KIAA0825: variants seen among roughly 807,000 people sequenced by gnomAD.
KIAA0825 encodes the protein KIAA0825, also known as uncharacterized protein KIAA0825.
KIAA0825 carries 119 observed loss-of-function variants against 147.6 expected under a neutral mutation model. That is an observed-to-expected ratio of 0.81 (90% CI 0.69 to 0.94). KIAA0825 has a LOEUF of 0.94. Ranked by LOEUF, KIAA0825 falls within the 40% of genes least tolerant of loss-of-function variation. The pLI is 0.00. For missense variants in KIAA0825, 1,381 were observed against 1,472.7 expected, an observed-to-expected ratio of 0.94 and a Z score of 1.02; for synonymous variants, 470 against 518.1, an observed-to-expected ratio of 0.91 and a Z score of 1.26.
chr5:94,444,004 C>T (rs1757428287), intron 13 of KIAA0825, among the ~76,000 whole-genome samples: 1 of 152,134 alleles, frequency 6.6e-6, no homozygotes, highest in African/African-American at 2.4e-5. Context: ...GAATGCTGTC[C>T]CTCAAGACTT....
At chr5:94,428,283 T>G (rs1755180257) in intron 14 of KIAA0825, among the ~76,000 whole-genome samples, 1 of 152,042 alleles carries the variant, frequency 6.6e-6, no homozygotes, top group African/African-American at 2.4e-5. Context: ...GAGGTTTTGA[T>G]CCTATCATGA....
chr5:94,239,391 T>C (rs959831686), intron 20 of KIAA0825, among the ~76,000 whole-genome samples: 2 of 152,186 alleles, frequency 1.3e-5, no homozygotes, highest in Admixed American at 1.3e-4. Context: ...AGGAACACAT[T>C]GAGAGATCTG....
chr5:94,424,498 C>T (rs1382834205), intron 14 of KIAA0825, among the ~76,000 whole-genome samples: 7 of 151,794 alleles, frequency 4.6e-5, no homozygotes, highest in African/African-American at 1.7e-4. Context: ...CACAATAAAA[C>T]CTAAAAGATA....
intron 20 of KIAA0825, among the ~76,000 whole-genome samples, chr5:94,351,350 C>A (rs150616787): frequency 0.013 from 1,938 of 151,814 alleles, 47 homozygotes; most frequent in African/African-American, 0.043. Context: ...ACAACAACAA[C>A]AAAAAACACC....
At chr5:94,304,130 A>G (rs979831281) in intron 20 of KIAA0825, among the ~76,000 whole-genome samples, 1 of 152,082 alleles carries the variant, frequency 6.6e-6, no homozygotes, top group Non-Finnish European at 1.5e-5. Context: ...AGAAACCTGA[A>G]TATATTTATG....
At chr5:94,568,917 C>T (rs1779282032) in intron 2 of KIAA0825, 1 of 163,736 alleles carries the variant, frequency 6.1e-6, no homozygotes, top group African/African-American at 2.4e-5. Flanking sequence ...CCCACTCCTC[C>T]TAACCCTCCT....
chr5:94,397,515 G>C (rs575976259), intron 16 of KIAA0825, among the ~76,000 whole-genome samples: 1 of 152,262 alleles, frequency 6.6e-6, no homozygotes, highest in East Asian at 1.9e-4. Context: ...TGATTCTCAA[G>C]TTGTCATGGA....
intron 20 of KIAA0825, among the ~76,000 whole-genome samples, chr5:94,335,378 A>G (rs1002681528): frequency 2.0e-5 from 3 of 152,120 alleles, no homozygotes; most frequent in African/African-American, 7.2e-5. Flanking sequence ...AATATAGATT[A>G]TGTATATTTC....
intron 15 of KIAA0825, among the ~76,000 whole-genome samples, chr5:94,405,268 A>G (rs1040050211): frequency 2.6e-5 from 4 of 152,208 alleles, no homozygotes; most frequent in African/African-American, 9.6e-5. Context: ...CGTTACTTTT[A>G]TGTTAAAATT....
intron 20 of KIAA0825, among the ~76,000 whole-genome samples, chr5:94,320,894 G>C (rs902450325): frequency 2.0e-5 from 3 of 151,974 alleles, no homozygotes; most frequent in African/African-American, 7.2e-5. Flanking sequence ...TTCTCAACCA[G>C]CCTGATTCTT....
At chr5:94,191,853 A>C (rs1346425949) in intron 20 of KIAA0825, among the ~76,000 whole-genome samples, 1 of 152,242 alleles carries the variant, frequency 6.6e-6, no homozygotes, top group African/African-American at 2.4e-5. Flanking sequence ...TGGGGATCCA[A>C]GTGGAGAGAC....
Position 94,471,596 on chromosome 5 carries a change from G to C in KIAA0825, c.1591C>G (p.Leu531Val). ...CKVATAVLQR[L>V]QERAKEVPSK... The stretch of plus-strand genomic sequence containing the variant: ...GGAACCTCCTTGGCTCTCTCTTGCA[G>C]TCTCTGCAGGACAGCTGTTGCCACT... The change falls in exon 9 of 21, where the codon CTG becomes GTG. Residue 531 changes from leucine (L) to valine (V), a missense_variant. Leu to Val is a conservative substitution (Grantham distance 32). Coordinates refer to ENST00000682413, the MANE Select transcript of KIAA0825 (RefSeq NM_001145678.3). The C allele has an allele frequency of 6.4e-7, 1 of 1,551,938 alleles. No homozygotes were observed. Among genetic ancestry groups the C allele is most frequent in the Middle Eastern group, 1.7e-4 (1 of 5,990 alleles).
At chr5:94,176,638 A>T (rs1428776120) in intron 20 of KIAA0825, among the ~76,000 whole-genome samples, 2 of 152,044 alleles carry the variant, frequency 1.3e-5, no homozygotes, top group Admixed American at 1.3e-4. Context: ...ATCATTAAAA[A>T]GCATAAAAAA....
chr5:94,605,926 G>T (rs116918701), intron 1 of KIAA0825, among the ~76,000 whole-genome samples: 1 of 152,170 alleles, frequency 6.6e-6, no homozygotes. Flanking sequence ...AATCAGAGAA[G>T]AGAAAGAAAT....
At chr5:94,317,431 T>G (rs1779757920) in intron 20 of KIAA0825, among the ~76,000 whole-genome samples, 1 of 151,922 alleles carries the variant, frequency 6.6e-6, no homozygotes, top group South Asian at 2.1e-4. Flanking sequence ...TCATTGACTT[T>G]GGCGCTGAAG....
intron 14 of KIAA0825, among the ~76,000 whole-genome samples, chr5:94,430,874 A>G (rs1755570839): frequency 6.6e-6 from 1 of 152,246 alleles, no homozygotes; most frequent in African/African-American, 2.4e-5. Flanking sequence ...GCTATATGCA[A>G]AGATTCTCAA....
chr5:94,383,114 G>A (rs978177098), intron 20 of KIAA0825, among the ~76,000 whole-genome samples: 4 of 152,092 alleles, frequency 2.6e-5, no homozygotes, highest in Admixed American at 6.6e-5. Context: ...CAGTATAGGT[G>A]CACACCTGGT....
chr5:94,579,617 C>T (rs74978941), intron 2 of KIAA0825, among the ~76,000 whole-genome samples: 1 of 152,264 alleles, frequency 6.6e-6, no homozygotes, highest in East Asian at 1.9e-4. Context: ...TGAAAGTGCT[C>T]TAAATGAATT....
chr5:94,200,042 T>C (rs1425217319), intron 20 of KIAA0825, among the ~76,000 whole-genome samples: 1 of 152,164 alleles, frequency 6.6e-6, no homozygotes, highest in African/African-American at 2.4e-5. Flanking sequence ...ACAAAGGCTA[T>C]AGCCACCTAG....
Sources: gnomAD v4.1 joint callset for allele counts (sites outside exome capture counted in the v4.1 genomes callset) on GRCh38, gnomAD v4.1.1 for gene constraint, MANE v1.5 for transcripts, NCBI Gene and HGNC (gene_info 2026-07-23, HGNC 2026-07-21) for gene names.